ANKS1B: variants seen among roughly 807,000 people sequenced by gnomAD.
ANKS1B encodes the protein ankyrin repeat and sterile alpha motif domain-containing protein 1B.
A neutral mutation model predicts 148.3 loss-of-function variants in ANKS1B; 36 were observed. The ratio of observed to expected loss-of-function variants is 0.24; its 90% confidence interval spans 0.19 to 0.32. The LOEUF (loss-of-function observed/expected upper bound fraction) is 0.32. ANKS1B is among the 10% of genes least tolerant of loss of function. The pLI is 1.00. For synonymous variants in ANKS1B, 542 were observed against 560.8 expected (o/e 0.97, Z 0.47); for missense variants, 1,157 against 1,542.6 (o/e 0.75, Z 4.19).
chr12:99,572,227 T>G (rs1267212843), intron 9 of ANKS1B, among the ~76,000 whole-genome samples: 1 of 152,072 alleles, frequency 6.6e-6, no homozygotes, highest in Non-Finnish European at 1.5e-5. Flanking sequence ...TAAGTAACCA[T>G]AAAAATTTTA....
intron 17 of ANKS1B, among the ~76,000 whole-genome samples, chr12:98,855,934 G>C (rs1370451341): frequency 6.6e-6 from 1 of 152,210 alleles, no homozygotes. Context: ...AAGACAAACA[G>C]GTTGATGCGC....
chr12:98,749,879 TGA>T (rs1243975425), intron 26 of ANKS1B, among the ~76,000 whole-genome samples: 3 of 151,650 alleles, frequency 2.0e-5, no homozygotes, highest in African/African-American at 4.8e-5. Flanking sequence ...TGGACAGGAT[TGA>T]GATATATTTT....
chr12:99,371,194 T>C (rs149365543), intron 12 of ANKS1B, among the ~76,000 whole-genome samples: 108 of 152,232 alleles, frequency 7.1e-4, no homozygotes, highest in Non-Finnish European at 1.4e-3. Flanking sequence ...CCTAATCTAT[T>C]TCTTCATTAT....
chr12:99,791,286 A>G (rs1942748289), intron 4 of ANKS1B, among the ~76,000 whole-genome samples: 1 of 152,060 alleles, frequency 6.6e-6, no homozygotes, highest in African/African-American at 2.4e-5. Context: ...AGCAAATATT[A>G]TTAGTGCTAA....
chr12:99,809,904 T>G (rs914921453), intron 3 of ANKS1B, among the ~76,000 whole-genome samples: 2 of 152,076 alleles, frequency 1.3e-5, no homozygotes, highest in Non-Finnish European at 2.9e-5. Context: ...TGGCTGCATT[T>G]CTTAGTAGCT....
chr12:99,902,936 C>T (rs113618124), intron 1 of ANKS1B, among the ~76,000 whole-genome samples: 3,106 of 90,034 alleles, frequency 0.034, 97 homozygotes, highest in African/African-American at 0.12. Context: ...GTTGTTGTTG[C>T]TGTTGTTGTT....
rs183855100 is a variant in ANKS1B, at chr12:99,871,671, A to G, written c.135-46282T>C. Among the ~76,000 whole-genome samples, 551 of 152,152 alleles carry G rather than the reference A, an allele frequency of 3.6e-3. 5 individuals are homozygous for G. The highest frequency in any genetic ancestry group is 0.012 in the African/African-American group (505 of 41,516). On this transcript the variant is annotated intron_variant, in intron 1 of 26. Coordinates refer to ENST00000683438, the MANE Select transcript of ANKS1B (RefSeq NM_001352186.2). ...CTAGGTATTTTGTTTTTGTGTGTGT[A>G]GCTATTGTAAGTGAAATTGTGTTCT... is the stretch of plus-strand genomic sequence containing the variant.
rs1310129036 is a variant in ANKS1B at position 99,751,261 on chromosome 12, T to C, written c.1128+21661A>G. Among the ~76,000 whole-genome samples, 3 of 152,150 alleles carry C rather than the reference T, an allele frequency of 2.0e-5. No individual in the cohort carries two copies. In the East Asian group the frequency reaches 5.8e-4, roughly 29 times the overall value. ...TGGCCAAAAGATTTAATTGTAATTC[T>C]TTTTTGAAATCAGGATAATGTAACC... On this transcript the variant is annotated intron_variant, in intron 8 of 26. Transcript: ENST00000683438.
intron 14 of ANKS1B, among the ~76,000 whole-genome samples, chr12:99,201,424 A>G (rs2082055892): frequency 6.6e-6 from 1 of 152,160 alleles, no homozygotes; most frequent in Non-Finnish European, 1.5e-5. Flanking sequence ...GAAAATGATT[A>G]CTAAGGAACA....
intron 1 of ANKS1B, among the ~76,000 whole-genome samples, chr12:99,962,386 T>C (rs1020742881): frequency 1.3e-5 from 2 of 152,198 alleles, no homozygotes; most frequent in Admixed American, 6.5e-5. Flanking sequence ...CTCATTCCTT[T>C]TTATTTTATG....
At chr12:99,155,144 C>A (rs2075863125) in intron 14 of ANKS1B, 2 of 1,479,554 alleles carry the variant, frequency 1.4e-6, no homozygotes, top group South Asian at 2.7e-5. Flanking sequence ...AAATGCGAAG[C>A]TTGAACTATA....
chr12:99,655,668 A>G (rs1448246133), intron 8 of ANKS1B, among the ~76,000 whole-genome samples: 1 of 152,202 alleles, frequency 6.6e-6, no homozygotes, highest in Non-Finnish European at 1.5e-5. Flanking sequence ...TATCATACAT[A>G]TAACAGGAGT....
intron 9 of ANKS1B, among the ~76,000 whole-genome samples, chr12:99,608,574 T>C (rs1257996482): frequency 6.6e-6 from 1 of 152,008 alleles, no homozygotes; most frequent in Admixed American, 6.6e-5. Flanking sequence ...AAAAGTCAAA[T>C]GCCTTCTCAC....
chr12:99,687,073 CCTTCA>C (rs2098653868), intron 8 of ANKS1B, among the ~76,000 whole-genome samples: 2 of 152,212 alleles, frequency 1.3e-5, no homozygotes, highest in South Asian at 4.2e-4. Context: ...TTTTACCCTA[CCTTCA>C]CTTATGAAAT....
intron 12 of ANKS1B, among the ~76,000 whole-genome samples, chr12:99,312,025 T>C (rs781384923): frequency 1.3e-5 from 2 of 152,096 alleles, no homozygotes; most frequent in Non-Finnish European, 2.9e-5. Context: ...ACTCGAAGCA[T>C]TTGGAGAAAT....
chr12:98,895,031 T>A, intron 17 of ANKS1B: 7 of 879,026 alleles, frequency 8.0e-6, no homozygotes, highest in South Asian at 5.1e-5. Flanking sequence ...GAACGCCGTC[T>A]CCAGGGCTGC....
chr12:99,238,423 C>T (rs1181001460), intron 14 of ANKS1B, among the ~76,000 whole-genome samples: 2 of 152,192 alleles, frequency 1.3e-5, no homozygotes, highest in African/African-American at 4.8e-5. Flanking sequence ...ATGGGTGGAG[C>T]CCACTGCAGC....
At chr12:98,740,946 T>C (rs138583939), downstream of ANKS1B, among the ~76,000 whole-genome samples, 958 of 152,286 alleles carry the variant, frequency 6.3e-3, 14 homozygotes, top group Non-Finnish European at 6.2e-3. Flanking sequence ...TTTGTGACAA[T>C]GAGGCAATCT....
intron 14 of ANKS1B, among the ~76,000 whole-genome samples, chr12:99,194,687 G>C (rs1264240798): frequency 6.6e-6 from 1 of 152,046 alleles, no homozygotes; most frequent in Admixed American, 6.6e-5. Flanking sequence ...ACATCAAGTG[G>C]GTCTTGGATA....
Sources: allele counts gnomAD v4.1 joint callset (sites outside exome capture counted in the v4.1 genomes callset), GRCh38; gene constraint gnomAD v4.1.1; transcripts MANE v1.5; gene names NCBI Gene and HGNC (gene_info 2026-07-23, HGNC 2026-07-21).